Variants in MED13 observed in about 807,000 individuals in gnomAD.
The protein encoded by MED13 is mediator complex subunit 13, also known as mediator of RNA polymerase II transcription subunit 13.
MED13 carries 23 observed loss-of-function variants against 225.2 expected under a neutral mutation model. The observed-to-expected ratio is 0.10, with a 90% CI of 0.07 to 0.14. The LOEUF is 0.14. MED13 is among the 10% of genes least tolerant of loss of function. The pLI is 1.00. For missense variants in MED13, 2,197 were observed against 2,594.5 expected (o/e 0.85, Z 3.33); for synonymous variants, 942 against 889.2 (o/e 1.06, Z -1.06).
chr17:61,967,698 A>G (rs1012566522), intron 18 of MED13, among the ~76,000 whole-genome samples: 1 of 152,192 alleles, frequency 6.6e-6, no homozygotes, highest in African/African-American at 2.4e-5. Flanking sequence ...GAAATCCTAG[A>G]GAATAAAGAC....
chr17:62,019,054 G>C (rs2080611614), intron 8 of MED13, among the ~76,000 whole-genome samples: 1 of 152,204 alleles, frequency 6.6e-6, no homozygotes, highest in Non-Finnish European at 1.5e-5. Flanking sequence ...TTTTGGTGTA[G>C]TATCAAAGAA....
At chr17:62,059,430 C>G (rs541180361) in intron 2 of MED13, among the ~76,000 whole-genome samples, 1 of 152,298 alleles carries the variant, frequency 6.6e-6, no homozygotes, top group East Asian at 1.9e-4. Flanking sequence ...ACTTCAGTAA[C>G]AAGATGTGGT....
chr17:62,018,253 C>G (rs1357182547), intron 8 of MED13, among the ~76,000 whole-genome samples: 1 of 151,914 alleles, frequency 6.6e-6, no homozygotes, highest in Admixed American at 6.6e-5. Flanking sequence ...AATTCCACAT[C>G]CTCAAATTCA....
chr17:62,032,920 T>C (rs991049680), intron 5 of MED13, among the ~76,000 whole-genome samples: 9 of 152,046 alleles, frequency 5.9e-5, no homozygotes, highest in African/African-American at 1.4e-4. Flanking sequence ...GAGGCCAAGG[T>C]AGGTGGATCA....
rs1260828798 is a variant in MED13, at chr17:61,946,012, A to C, written c.*456T>G. 6.5e-6 allele frequency: 1 copy of C among 152,790 alleles called. No homozygotes were observed. The highest frequency in any genetic ancestry group is 1.5e-5 in the Non-Finnish European group (1 of 68,194). 9.5% of individuals were successfully genotyped at this position (152,790 alleles called of 1,614,324 possible). A position where few individuals can be genotyped will look rare whatever the true frequency, so the allele number is the denominator to read the frequency against. On this transcript the variant is annotated 3_prime_UTR_variant, in exon 30 of 30. Transcript: ENST00000397786. ...AATATAAGACAATTTATACATTTAA[A>C]AACTTACAATAAATAAGAGAAGAGA...
At chr17:61,975,357 T>C (rs766303749) in intron 16 of MED13, among the ~76,000 whole-genome samples, 3 of 152,132 alleles carry the variant, frequency 2.0e-5, no homozygotes, top group Admixed American at 6.6e-5. Context: ...GAAACAATCT[T>C]CAACATTATT....
At chr17:61,961,860 CTTT>C in intron 21 of MED13, 81 bp from the exon 22 acceptor site, 2 of 1,298,698 alleles carry the variant, frequency 1.5e-6, no homozygotes, top group Non-Finnish European at 2.2e-6. Flanking sequence ...ACTCTAAAAA[CTTT>C]TTACTAGAAA....
rs61733887 is a variant in MED13, at chr17:61,965,368, T to G, written c.4482A>C (p.Thr1494=). The stretch of plus-strand genomic sequence containing the variant: ...ATGGAGTATTAGCATTTCCAGTATT[T>G]GTCATCTGAGGTGGAGTAATCAAAG... The part of the protein sequence containing the change: ...SQSLITPPQM[T]NTGNANTPSA... Residue 1494 remains threonine (T), a synonymous_variant, in exon 20 of 30, where the codon ACA becomes ACC. Coordinates refer to ENST00000397786, the MANE Select transcript of MED13 (RefSeq NM_005121.3). 2 of 1,614,112 alleles carry G rather than the reference T, an allele frequency of 1.2e-6. No homozygotes were observed. The highest frequency in any genetic ancestry group is 2.7e-5 in the African/African-American group (2 of 74,936).
In MED13 at chr17:61,984,715, A is replaced by C. The variant is rs780051718; in HGVS notation, c.2627T>G (p.Ile876Arg). 6.2e-7 allele frequency: 1 copy of C among 1,614,040 alleles called. No individual in the cohort carries two copies. The highest frequency in any genetic ancestry group is 1.1e-5 in the South Asian group (1 of 91,082). ...AACCTCAATTTTGAACTGCGCTCCTATACTAGAACTATTTCCTTCTAGAAC... is the reference window on the plus strand; with the variant it reads ...AACCTCAATTTTGAACTGCGCTCCTCTACTAGAACTATTTCCTTCTAGAAC... ...GTVLEGNSSS[I>R]GAQFKIEVDE... Residue 876 changes from isoleucine to arginine, a missense_variant, in exon 14 of 30, where the codon ATA (isoleucine) becomes AGA (arginine). By Grantham distance (97) the Ile-to-Arg change is moderately conservative. Transcript: ENST00000397786.
In MED13 at chr17:62,038,862, G is replaced by A. The variant is rs1008449282; in HGVS notation, c.471-3254C>T. Among the ~76,000 whole-genome samples the A allele has an allele frequency of 1.4e-4, 21 of 149,662 alleles. 1 individual carries two copies. Among genetic ancestry groups the A allele is most frequent in the African/African-American group, 4.8e-4 (19 of 39,458 alleles). ...TTTTCCCCCTAGGGATGGCAGGGGC[G>A]GGGGGGCTCACTATGTTGCCCAGGC... is the stretch of plus-strand genomic sequence containing the variant. On this transcript the variant is annotated intron_variant, in intron 3 of 29. Coordinates refer to ENST00000397786, the MANE Select transcript of MED13 (RefSeq NM_005121.3).
At chr17:62,055,955 A>G (rs1189134745) in intron 2 of MED13, among the ~76,000 whole-genome samples, 1 of 152,224 alleles carries the variant, frequency 6.6e-6, no homozygotes, top group East Asian at 1.9e-4. Flanking sequence ...TCTCATTAAC[A>G]CTAAATAGGA....
In MED13 at chr17:62,010,741, T is replaced by C; in HGVS notation, c.1776A>G (p.Glu592=). ...CAACATATACTGTAGGTTCTACAGC[T>C]TCCTGATATTGAGGTGGGAAAGACT... The part of the protein sequence containing the change: ...LSQSFPPQYQ[E]AVEPTVYVGT... Residue 592 remains glutamate, a synonymous_variant, in exon 9 of 30, where the codon GAA becomes GAG. Transcript: ENST00000397786. 6.2e-7 allele frequency: 1 copy of C among 1,613,866 alleles called. No individual in the cohort carries two copies. Among genetic ancestry groups the C allele is most frequent in the Non-Finnish European group, 8.5e-7 (1 of 1,179,844 alleles).
At chr17:62,007,662 C>T (rs1224945272) in intron 9 of MED13, 7 of 151,982 alleles carry the variant, frequency 4.6e-5, no homozygotes, top group African/African-American at 1.4e-4. Flanking sequence ...TCCTGGCTAA[C>T]ACGGTGAAAC....
rs550562639 is a variant in MED13 at position 62,000,519 on chromosome 17, T to G, written c.1968-5154A>C. 8.5e-5 allele frequency among the ~76,000 whole-genome samples: 13 copies of G among 152,278 alleles called. No homozygotes were observed. In the East Asian group the frequency reaches 1.4e-3, roughly 16 times the overall value. ...AAGATGAAAAGCCTAAGTATCAATC[T>G]CTCTCCTTCAAGATAACAAGTACTA... On this transcript the variant is annotated intron_variant, in intron 9 of 29. Transcript: ENST00000397786.
At position 62,003,433 on chromosome 17, in the gene MED13, T is replaced by G. The variant is rs917351010; in HGVS notation, c.1967+7117A>C. ...CCAGCCTGACCAACATGGTGACACC[T>G]CGTCTCTACTAAATACAAAAAATTA... On this transcript the variant is annotated intron_variant, in intron 9 of 29. Transcript: ENST00000397786. 2.0e-5 allele frequency among the ~76,000 whole-genome samples: 3 copies of G among 151,916 alleles called. 1 individual carries two copies. The South Asian group carries it at 6.3e-4, about 32-fold the overall frequency.
At chr17:61,975,377 G>A (rs1443670703) in intron 16 of MED13, among the ~76,000 whole-genome samples, 1 of 151,994 alleles carries the variant, frequency 6.6e-6, no homozygotes, top group Non-Finnish European at 1.5e-5. Flanking sequence ...TAGTCATTAG[G>A]GAAATGCAGA....
At chr17:62,006,940 TAAAATAATAGTAACA>T (rs1229730367) in intron 9 of MED13, 1 of 142,916 alleles carries the variant, frequency 7.0e-6, no homozygotes, top group African/African-American at 2.6e-5. Flanking sequence ...AAAATAAAAT[TAAAATAATAGTAACA>T]ATCAAGTCGG....
At chr17:61,951,897 ATTTCT>A (rs1160001230) in intron 27 of MED13, among the ~76,000 whole-genome samples, 2 of 151,984 alleles carry the variant, frequency 1.3e-5, no homozygotes, top group Non-Finnish European at 2.9e-5. Context: ...AGTATATATA[ATTTCT>A]TTTCTTTTTT....
chr17:61,986,101 C>T (rs2080245231), intron 12 of MED13, among the ~76,000 whole-genome samples: 1 of 152,124 alleles, frequency 6.6e-6, no homozygotes, highest in Admixed American at 6.5e-5. Context: ...AGAGGAACCA[C>T]AGCTGATACA....
Sources: allele counts gnomAD v4.1 joint callset (sites outside exome capture counted in the v4.1 genomes callset), GRCh38; gene constraint gnomAD v4.1.1; transcripts MANE v1.5; gene names NCBI Gene and HGNC (gene_info 2026-07-23, HGNC 2026-07-21).